The following CEP170 variants were observed in gnomAD, a reference collection of about 807,000 sequenced individuals.
The protein encoded by CEP170 is centrosomal protein 170.
Under a neutral mutation model 151.9 loss-of-function variants are expected in CEP170, and 21 were observed. That is an observed-to-expected ratio of 0.14 (90% CI 0.10 to 0.20). CEP170 has a LOEUF of 0.20. Among genes scored for constraint, CEP170 ranks in the 10% least tolerant of loss-of-function variants. CEP170 has a pLI of 1.00. For synonymous variants in CEP170, 356 were observed against 648.8 expected, an observed-to-expected ratio of 0.55 and a Z score of 6.86; for missense variants, 964 against 1,892.9, an observed-to-expected ratio of 0.51 and a Z score of 9.11.
chr1:243,232,820 T>C (rs562141329), intron 1 of CEP170, among the ~76,000 whole-genome samples: 2 of 152,336 alleles, frequency 1.3e-5, no homozygotes, highest in East Asian at 3.9e-4. Flanking sequence ...ATGGTGACGG[T>C]AGGGATGGTA....
chr1:243,172,707 T>A lies in CEP170; in HGVS notation c.1706A>T (p.His569Leu). The A allele has an allele frequency of 6.3e-7, 1 of 1,592,740 alleles. No individual in the cohort carries two copies. Among genetic ancestry groups the A allele is most frequent in the Non-Finnish European group, 8.5e-7 (1 of 1,169,828 alleles). ...AGAAGAGATGTATACCTCTGAGTGG[T>A]GAAATCCAGATGTAGTCAGTGGTTT... is the stretch of plus-strand genomic sequence containing the variant. ...ERKPLTTSGF[H>L]HSEEGTSSSG... The change falls in exon 11 of 20, where the codon CAC becomes CTC. Residue 569 changes from histidine to leucine, a missense_variant. By Grantham distance (99) the His-to-Leu change is moderately conservative. Transcript: ENST00000366542.
chr1:243,244,964 CA>C (rs2149158487), intron 1 of CEP170, among the ~76,000 whole-genome samples: 1 of 152,070 alleles, frequency 6.6e-6, no homozygotes, highest in Non-Finnish European at 1.5e-5. Flanking sequence ...TGACTATATA[CA>C]TGTTAAAATC....
chr1:243,219,797 A>G (rs534445244), intron 3 of CEP170, among the ~76,000 whole-genome samples: 112 of 152,362 alleles, frequency 7.4e-4, no homozygotes, highest in African/African-American at 2.6e-3. Context: ...CAATTCCACT[A>G]AAGAAAGATT....
chr1:243,173,961 C>G (rs576562233), intron 10 of CEP170, among the ~76,000 whole-genome samples: 1 of 152,270 alleles, frequency 6.6e-6, no homozygotes, highest in African/African-American at 2.4e-5. Context: ...TTCTAAGATG[C>G]CATTTTATTG....
chr1:243,167,837 G>C (rs2058548865), intron 12 of CEP170, among the ~76,000 whole-genome samples: 1 of 151,608 alleles, frequency 6.6e-6, no homozygotes, highest in Non-Finnish European at 1.5e-5. Context: ...GAATGTAATG[G>C]CTACTTTACC....
chr1:243,156,516 A>G, intron 13 of CEP170, 61 bp from the exon 14 acceptor site: 1 of 1,457,016 alleles, frequency 6.9e-7, no homozygotes, highest in East Asian at 2.5e-5. Context: ...GAGGTAAAAT[A>G]AAAGTCATGA....
chr1:243,141,907 T>C (rs2055881395), intron 15 of CEP170, among the ~76,000 whole-genome samples: 1 of 152,256 alleles, frequency 6.6e-6, no homozygotes, highest in Non-Finnish European at 1.5e-5. Context: ...TTTTTCTCTT[T>C]GTTATCAGAG....
chr1:243,215,445 G>A (rs1449990825), intron 3 of CEP170, among the ~76,000 whole-genome samples: 3 of 152,124 alleles, frequency 2.0e-5, no homozygotes, highest in East Asian at 1.9e-4. Flanking sequence ...AAGAGAATGC[G>A]TTCCTAGTGG....
intron 1 of CEP170, among the ~76,000 whole-genome samples, chr1:243,229,791 T>C (rs980434600): frequency 9.9e-5 from 15 of 152,226 alleles, no homozygotes; most frequent in African/African-American, 3.4e-4. Context: ...GAATTTATTA[T>C]ATAAAGACAA....
chr1:243,230,711 T>A (rs1299294922), intron 1 of CEP170, among the ~76,000 whole-genome samples: 1 of 152,034 alleles, frequency 6.6e-6, no homozygotes, highest in African/African-American at 2.4e-5. Context: ...TTATCTTCAA[T>A]ATGAGAAGCA....
At chr1:243,157,974 A>G (rs1284350022) in intron 13 of CEP170, among the ~76,000 whole-genome samples, 2 of 152,216 alleles carry the variant, frequency 1.3e-5, no homozygotes, top group Admixed American at 6.5e-5. Flanking sequence ...ATACTAGGTA[A>G]TTAGTCATAG....
intron 1 of CEP170, among the ~76,000 whole-genome samples, chr1:243,227,177 A>T (rs963179398): frequency 6.6e-6 from 1 of 152,180 alleles, no homozygotes; most frequent in African/African-American, 2.4e-5. Context: ...AAGTCTTTTA[A>T]GTACAGGGAA....
upstream of CEP170, among the ~76,000 whole-genome samples, chr1:243,255,526 G>T (rs540518162): frequency 1.3e-5 from 2 of 152,378 alleles, no homozygotes; most frequent in East Asian, 3.9e-4. Flanking sequence ...TCCAAGTGAA[G>T]GTCCGGTTGC....
At chr1:243,187,842 T>C (rs1347434242) in intron 8 of CEP170, among the ~76,000 whole-genome samples, 5 of 152,260 alleles carry the variant, frequency 3.3e-5, no homozygotes, top group East Asian at 1.9e-4. Context: ...AAAAGGGTCA[T>C]GTCTTGGAAA....
At position 243,165,746 on chromosome 1, in the gene CEP170, A is replaced by G; in HGVS notation, c.2214T>C (p.Thr738=). ...TTGCTAATGTTTGCTTTACCAAAGA[A>G]GTTTCCTTATCAGTTTCACTTTTCT... ...GKEKSETDKE[T]SLVKQTLAKL... The change falls in exon 13 of 20, where the codon ACT becomes ACC. Residue 738 remains threonine (T), a synonymous_variant. Transcript: ENST00000366542. 2 of 1,614,054 alleles carry G rather than the reference A, an allele frequency of 1.2e-6. No homozygotes were observed. The highest frequency in any genetic ancestry group is 1.7e-6 in the Non-Finnish European group (2 of 1,179,896).
chr1:243,206,291 G>A (rs981177572), intron 4 of CEP170, among the ~76,000 whole-genome samples: 5 of 152,080 alleles, frequency 3.3e-5, no homozygotes, highest in African/African-American at 9.7e-5. Flanking sequence ...GTGCCACCAC[G>A]CCCAGCTAAT....
At chr1:243,249,758 T>C (rs1217912968) in intron 1 of CEP170, among the ~76,000 whole-genome samples, 1 of 152,194 alleles carries the variant, frequency 6.6e-6, no homozygotes, top group East Asian at 1.9e-4. Flanking sequence ...CCTTTACTGC[T>C]GGAGGATATA....
intron 4 of CEP170, among the ~76,000 whole-genome samples, chr1:243,204,256 C>G (rs920622242): frequency 6.6e-6 from 1 of 152,142 alleles, no homozygotes; most frequent in African/African-American, 2.4e-5. Context: ...TTAACTTCCC[C>G]TTGATCATTC....
chr1:243,161,785 C>T (rs1466244055), intron 13 of CEP170, among the ~76,000 whole-genome samples: 1 of 152,082 alleles, frequency 6.6e-6, no homozygotes, highest in East Asian at 1.9e-4. Context: ...CAACACTGAT[C>T]GGCATGATTT....
Sources: allele counts gnomAD v4.1 joint callset (sites outside exome capture counted in the v4.1 genomes callset), GRCh38; gene constraint gnomAD v4.1.1; transcripts MANE v1.5; gene names NCBI Gene and HGNC (gene_info 2026-07-23, HGNC 2026-07-21).